The following IL4R variants were observed in gnomAD, a reference collection of about 807,000 sequenced individuals.
IL4R encodes interleukin 4 receptor, also known as interleukin-4 receptor subunit alpha.
IL4R carries 17 observed loss-of-function variants against 41.5 expected under a neutral mutation model. The ratio of observed to expected loss-of-function variants is 0.41; its 90% CI spans 0.28 to 0.61. The LOEUF (loss-of-function observed/expected upper bound fraction) is 0.61. IL4R is among the 20% of genes least tolerant of loss of function. The pLI, the probability that IL4R is intolerant of heterozygous loss-of-function variation, is 0.31. For missense variants in IL4R, 974 were observed against 1,043.1 expected (o/e 0.93, Z 0.91); for synonymous variants, 402 against 422.9 (o/e 0.95, Z 0.61).
In IL4R at chr16:27,364,268, G is replaced by A. The variant is rs535418080; in HGVS notation, c.*438G>A. 1 of 166,996 alleles carries A rather than the reference G, an allele frequency of 6.0e-6. No homozygotes were observed. Among genetic ancestry groups the A allele is most frequent in the South Asian group, 1.8e-4 (1 of 5,614 alleles). The allele number at this position is 166,996 out of a possible 1,614,324, so 10.3% of individuals were successfully genotyped here. A position where few individuals can be genotyped will look rare whatever the true frequency, so the allele number is the denominator to read the frequency against. On this transcript the variant is annotated 3_prime_UTR_variant, in exon 11 of 11. Transcript: ENST00000395762. ...CTCACTGAACTAGAAGCCGAGCCTA[G>A]AAACTAACACAGCCATCAAGGGAAT...
rs143703183 is a variant in IL4R at position 27,345,641 on chromosome 16, G to A, written c.361+621G>A. 27 of 173,090 alleles carry A rather than the reference G, an allele frequency of 1.6e-4. No homozygotes were observed. The East Asian group carries it at 4.3e-3, about 28-fold the overall frequency. 10.7% of individuals were successfully genotyped at this position (173,090 alleles called of 1,614,324 possible). A position where few individuals can be genotyped will look rare whatever the true frequency, so the allele number is the denominator to read the frequency against. ...TCAGTAAATCATCATAAAGTACAGA[G>A]ATGTGGCCAAAGGTGTGAAGGATGC... On this transcript the variant is annotated intron_variant, in intron 5 of 10. Transcript: ENST00000395762. The surrounding 1 kb of genome is among the most constrained non-coding windows in gnomAD (Gnocchi z 4.5).
intron 3 of IL4R, 116 bp from the exon 4 acceptor site, chr16:27,342,005 C>A: frequency 8.8e-7 from 1 of 1,132,046 alleles, no homozygotes; most frequent in Non-Finnish European, 1.3e-6. Context: ...TGGGCGCTGG[C>A]CCTCAACTTT....
At position 27,337,726 on chromosome 16, in the gene IL4R, C is replaced by T. The variant is rs377400076; in HGVS notation, c.-18-2460C>T. Among the ~76,000 whole-genome samples, 39 of 151,194 alleles carry T rather than the reference C, an allele frequency of 2.6e-4. No individual in the cohort carries two copies. The East Asian group carries it at 4.3e-3, about 17-fold the overall frequency. On this transcript the variant is annotated intron_variant, in intron 2 of 10. Transcript: ENST00000395762. ...TCCTGAGTAGCTGGGACTACAGGCACGCGCCACTACCGCCCGGCTAATTTT... is the reference window on the plus strand; with the variant it reads ...TCCTGAGTAGCTGGGACTACAGGCATGCGCCACTACCGCCCGGCTAATTTT...
chr16:27,351,333 C>G (rs1049541671), intron 6 of IL4R, among the ~76,000 whole-genome samples: 2 of 152,098 alleles, frequency 1.3e-5, no homozygotes, highest in African/African-American at 4.8e-5. Context: ...ATAATCACAT[C>G]CATGAAATCC....
intron 6 of IL4R, 64 bp downstream of exon 6, chr16:27,346,682 G>A (rs1392838809): frequency 5.1e-6 from 8 of 1,565,394 alleles, no homozygotes; most frequent in Non-Finnish European, 6.1e-6. Context: ...GACCAGCAGA[G>A]GCCCAGTCCC....
intron 8 of IL4R, among the ~76,000 whole-genome samples, chr16:27,357,892 GTTTTT>G (rs796874774): frequency 7.4e-6 from 1 of 136,004 alleles, no homozygotes; most frequent in Non-Finnish European, 1.6e-5. Flanking sequence ...CATTTCTTTC[GTTTTT>G]TTTTTTTTTT....
chr16:27,342,532 C>T (rs2085477489), intron 4 of IL4R, among the ~76,000 whole-genome samples: 1 of 152,112 alleles, frequency 6.6e-6, no homozygotes, highest in Non-Finnish European at 1.5e-5. Flanking sequence ...TCTCAGGACC[C>T]TTTTTCACAC....
chr16:27,355,610 G>C (rs961843608), intron 7 of IL4R, 198 bp from the exon 8 acceptor site: 1 of 532,540 alleles, frequency 1.9e-6, no homozygotes, highest in Admixed American at 3.4e-5. Flanking sequence ...GGAGCAGGGG[G>C]CAATGAGGTG....
rs879667882 is a variant in IL4R, at chr16:27,349,432, A to G, written c.513+2814A>G. Among the ~76,000 whole-genome samples the G allele has an allele frequency of 3.3e-5, 5 of 152,180 alleles. 1 individual carries two copies. The highest frequency in any genetic ancestry group is 4.1e-4 in the South Asian group (2 of 4,834). ...CTAGATAATTTCTAGGCAAGGTTCC[A>G]TAGTGGAGGGGGAGTTTTGGCTTGG... On this transcript the variant is annotated intron_variant, in intron 6 of 10. Transcript: ENST00000395762.
chr16:27,358,891 A>G, intron 8 of IL4R, 25 bp from the exon 9 acceptor site: 1 of 1,584,190 alleles, frequency 6.3e-7, no homozygotes, highest in South Asian at 1.1e-5. Flanking sequence ...TTCAGAGATC[A>G]ACACCTTTTC....
intron 1 of IL4R, among the ~76,000 whole-genome samples, chr16:27,324,740 T>G (rs943530799): frequency 3.3e-5 from 5 of 152,218 alleles, no homozygotes; most frequent in Non-Finnish European, 5.9e-5. Context: ...AGGCCTGGCT[T>G]CCAGGATCCC....
At chr16:27,352,328 T>C (rs1418215542) in intron 6 of IL4R, among the ~76,000 whole-genome samples, 1 of 152,192 alleles carries the variant, frequency 6.6e-6, no homozygotes, top group African/African-American at 2.4e-5. Flanking sequence ...CTAAGTAACA[T>C]ACAGCTAATT....
intron 1 of IL4R, among the ~76,000 whole-genome samples, chr16:27,316,584 T>C (rs998478266): frequency 6.6e-6 from 1 of 152,192 alleles, no homozygotes; most frequent in Admixed American, 6.5e-5. Flanking sequence ...AAGTGAACTT[T>C]CTTGAGGGTT....
chr16:27,335,261 G>A (rs1303464168), intron 2 of IL4R, among the ~76,000 whole-genome samples: 1 of 152,112 alleles, frequency 6.6e-6, no homozygotes, highest in Non-Finnish European at 1.5e-5. Flanking sequence ...TTTCTGTATT[G>A]TAACGTTCAT....
At chr16:27,353,544 T>C (rs964986601) in intron 7 of IL4R, among the ~76,000 whole-genome samples, 10 of 152,308 alleles carry the variant, frequency 6.6e-5, no homozygotes, top group African/African-American at 2.4e-4. Context: ...ATACTGAAAT[T>C]GTGATGTGAT....
chr16:27,348,887 G>A lies in IL4R; in HGVS notation c.513+2269G>A, dbSNP rs754478019. On this transcript the variant is annotated intron_variant, in intron 6 of 10. Coordinates refer to ENST00000395762, the MANE Select transcript of IL4R (RefSeq NM_000418.4). ...CAGGACTGTGCTGGCTAAAATGCCA[G>A]CCAGGTTTAAGACGTGGCACCAGAT... Among the ~76,000 whole-genome samples, 137 of 151,786 alleles carry A rather than the reference G, an allele frequency of 9.0e-4. 1 individual carries two copies. Among genetic ancestry groups the A allele is most frequent in the Non-Finnish European group, 1.3e-3 (87 of 67,894 alleles).
At chr16:27,360,325 C>CT (rs1288701175) in intron 9 of IL4R, among the ~76,000 whole-genome samples, 1 of 152,232 alleles carries the variant, frequency 6.6e-6, no homozygotes, top group Non-Finnish European at 1.5e-5. Flanking sequence ...AGTTGGCTGA[C>CT]TTTTACCTGG....
chr16:27,343,165 A>G (rs769247825), intron 4 of IL4R, among the ~76,000 whole-genome samples: 1 of 152,134 alleles, frequency 6.6e-6, no homozygotes, highest in Non-Finnish European at 1.5e-5. Flanking sequence ...CACAAGACAC[A>G]CAGTTACGGG....
rs138662091 is a variant in IL4R at position 27,318,247 on chromosome 16, C to T, written c.-152+4227C>T. On this transcript the variant is annotated intron_variant, in intron 1 of 10. Coordinates refer to ENST00000395762, the MANE Select transcript of IL4R (RefSeq NM_000418.4). ...TTCCCGCCCTGCATGATGGGCATGT[C>T]GGTGGGTATTTTATACAAGGTGACC... 4.6e-5 allele frequency among the ~76,000 whole-genome samples: 7 copies of T among 152,238 alleles called. No individual in the cohort carries two copies. In the East Asian group the frequency reaches 7.7e-4, roughly 17 times the overall value.
Sources: gnomAD v4.1 joint callset for allele counts (sites outside exome capture counted in the v4.1 genomes callset) on GRCh38, gnomAD v4.1.1 for gene constraint, Gnocchi (gnomAD v3.1) non-coding constraint, MANE v1.5 for transcripts, NCBI Gene and HGNC (gene_info 2026-07-23, HGNC 2026-07-21) for gene names.